The following NPAS3 variants were observed in gnomAD, a reference collection of about 807,000 sequenced individuals.
NPAS3 encodes neuronal PAS domain protein 3, also known as neuronal PAS domain-containing protein 3.
Under a neutral mutation model 73.1 loss-of-function variants are expected in NPAS3, and 14 were observed. The observed-to-expected ratio is 0.19, with a 90% CI of 0.13 to 0.30. NPAS3 has a LOEUF of 0.30. Among genes scored for constraint, NPAS3 ranks in the 10% least tolerant of loss-of-function variants. NPAS3 has a pLI of 1.00. For synonymous variants in NPAS3, 620 were observed against 541.5 expected (o/e 1.14, Z -2.01); for missense variants, 1,096 against 1,250.0 (o/e 0.88, Z 1.86).
At chr14:32,974,049 C>T (rs1310813877) in intron 1 of NPAS3, among the ~76,000 whole-genome samples, 1 of 152,140 alleles carries the variant, frequency 6.6e-6, no homozygotes, top group Non-Finnish European at 1.5e-5. Flanking sequence ...TTGCCTTGCA[C>T]ACAGTAAGTG....
chr14:33,768,431 A>G (rs1172088668), intron 7 of NPAS3, among the ~76,000 whole-genome samples: 1 of 152,234 alleles, frequency 6.6e-6, no homozygotes, highest in East Asian at 1.9e-4. Flanking sequence ...AGCATTGGCC[A>G]GAACCAAAGC....
intron 7 of NPAS3, among the ~76,000 whole-genome samples, chr14:33,757,317 T>A (rs2062145560): frequency 6.6e-6 from 1 of 152,184 alleles, no homozygotes; most frequent in Admixed American, 6.5e-5. Context: ...ATGCACCACC[T>A]CATTCCATTT....
intron 4 of NPAS3, among the ~76,000 whole-genome samples, chr14:33,386,912 A>G (rs193018433): frequency 6.6e-6 from 1 of 152,184 alleles, no homozygotes; most frequent in African/African-American, 2.4e-5. Context: ...GGCTCTTAGC[A>G]TTAATGACAT....
intron 9 of NPAS3, among the ~76,000 whole-genome samples, chr14:33,779,774 G>C (rs1053566416): frequency 6.6e-6 from 1 of 152,152 alleles, no homozygotes; most frequent in Admixed American, 6.5e-5. Flanking sequence ...TCCACACAAT[G>C]ATGAAATACC....
At chr14:33,620,353 C>T (rs796424372) in intron 5 of NPAS3, among the ~76,000 whole-genome samples, 1 of 152,036 alleles carries the variant, frequency 6.6e-6, no homozygotes, top group East Asian at 1.9e-4. Context: ...TAAATCATTC[C>T]AGAACAACAG....
chr14:33,713,080 T>C (rs2060866954), intron 6 of NPAS3, among the ~76,000 whole-genome samples: 1 of 152,160 alleles, frequency 6.6e-6, no homozygotes, highest in South Asian at 2.1e-4. Context: ...GAAGGTGTTC[T>C]TTGTCAGGAA....
intron 10 of NPAS3, among the ~76,000 whole-genome samples, chr14:33,796,446 C>G (rs2063515124): frequency 6.6e-6 from 1 of 152,114 alleles, no homozygotes; most frequent in Non-Finnish European, 1.5e-5. Context: ...AGTGAATTAC[C>G]CCTCCCAGGA....
chr14:33,584,932 A>T (rs1442881660), intron 5 of NPAS3, among the ~76,000 whole-genome samples: 1 of 152,220 alleles, frequency 6.6e-6, no homozygotes, highest in Non-Finnish European at 1.5e-5. Context: ...GGGTTGATGT[A>T]ACTTGAGAAC....
In NPAS3 at chr14:33,140,700, TA is replaced by T. The variant is rs2044014035; in HGVS notation, c.141-74476del. Among the ~76,000 whole-genome samples the T allele has an allele frequency of 2.6e-5, 4 of 152,138 alleles. No homozygotes were observed. The South Asian group carries it at 6.2e-4, about 24-fold the overall frequency. On this transcript the variant is annotated intron_variant, in intron 2 of 11. Transcript: ENST00000356141. ...TCAATATTCAATAGAGAAGAATCAC[TA>T]AAAAATGGTCTTTAAAAAAAGTATC...
At chr14:33,271,104 A>G (rs531537920) in intron 3 of NPAS3, among the ~76,000 whole-genome samples, 1 of 152,340 alleles carries the variant, frequency 6.6e-6, no homozygotes, top group Admixed American at 6.5e-5. Flanking sequence ...ACAAAGAAGT[A>G]TGGACAGTCA....
intron 1 of NPAS3, among the ~76,000 whole-genome samples, chr14:33,013,953 C>A (rs2039302356): frequency 6.6e-6 from 1 of 152,028 alleles, no homozygotes; most frequent in African/African-American, 2.4e-5. Flanking sequence ...ATGGAAATGT[C>A]ACAATAAAAT....
At chr14:33,737,089 G>A (rs1421616286) in intron 7 of NPAS3, among the ~76,000 whole-genome samples, 1 of 152,202 alleles carries the variant, frequency 6.6e-6, no homozygotes, top group Non-Finnish European at 1.5e-5. Flanking sequence ...CGTTGAAGGT[G>A]CAGAGCCAGG....
At chr14:33,331,311 A>G (rs538638284) in intron 3 of NPAS3, among the ~76,000 whole-genome samples, 5 of 152,246 alleles carry the variant, frequency 3.3e-5, no homozygotes, top group Admixed American at 3.3e-4. Flanking sequence ...TAATCACCAA[A>G]CTTTTTCTTT....
At chr14:32,977,079 C>T (rs1472403186) in intron 1 of NPAS3, among the ~76,000 whole-genome samples, 1 of 140,874 alleles carries the variant, frequency 7.1e-6, no homozygotes, top group East Asian at 2.0e-4. Context: ...TACACACACA[C>T]GTTTTTAACG....
intron 7 of NPAS3, among the ~76,000 whole-genome samples, chr14:33,770,506 G>C (rs2062615955): frequency 6.6e-6 from 1 of 152,216 alleles, no homozygotes; most frequent in Non-Finnish European, 1.5e-5. Flanking sequence ...TTTGAGGACA[G>C]ATTTACATTT....
intron 5 of NPAS3, among the ~76,000 whole-genome samples, chr14:33,645,407 A>G (rs985612398): frequency 2.0e-5 from 3 of 152,186 alleles, no homozygotes; most frequent in Admixed American, 6.5e-5. Context: ...ATTCATCAAA[A>G]TAAAGGAAAA....
chr14:33,034,010 CAG>C (rs2040081841), intron 1 of NPAS3, among the ~76,000 whole-genome samples: 1 of 152,126 alleles, frequency 6.6e-6, no homozygotes, highest in African/African-American at 2.4e-5. Context: ...AAATTTAAAT[CAG>C]ATAATCAGTA....
At chr14:32,997,469 A>G (rs1477585668) in intron 1 of NPAS3, among the ~76,000 whole-genome samples, 1 of 152,124 alleles carries the variant, frequency 6.6e-6, no homozygotes, top group East Asian at 1.9e-4. Context: ...TCATGTTGCA[A>G]GTCCCACAAT....
chr14:33,397,747 C>G (rs2047284082), intron 4 of NPAS3, among the ~76,000 whole-genome samples: 1 of 152,064 alleles, frequency 6.6e-6, no homozygotes, highest in African/African-American at 2.4e-5. Context: ...CTACAGTGTC[C>G]TAGCCCGAAT....
Sources: gnomAD v4.1 joint callset for allele counts (sites outside exome capture counted in the v4.1 genomes callset) on GRCh38, gnomAD v4.1.1 for gene constraint, MANE v1.5 for transcripts, NCBI Gene and HGNC (gene_info 2026-07-23, HGNC 2026-07-21) for gene names.